Variants in TMOD2 observed in about 807,000 individuals in gnomAD.
The protein encoded by TMOD2 is tropomodulin 2.
TMOD2 carries 22 observed loss-of-function variants against 39.9 expected under a neutral mutation model. The ratio of observed to expected loss-of-function variants is 0.55; its 90% confidence interval spans 0.39 to 0.79. The LOEUF (loss-of-function observed/expected upper bound fraction) is 0.79, where lower values mean the gene tolerates loss of function less well. Ranked by LOEUF, TMOD2 falls within the 30% of genes least tolerant of loss-of-function variation. TMOD2 has a pLI of 0.00. For synonymous variants in TMOD2, 123 were observed against 146.1 expected (o/e 0.84, Z 1.14); for missense variants, 386 against 413.3 (o/e 0.93, Z 0.57).
rs367730017 is a variant in TMOD2 at position 51,776,957 on chromosome 15, C to G, written c.432C>G (p.Leu144=). Residue 144 remains leucine, a synonymous_variant, in exon 5 of 10, where the codon CTC becomes CTG. Transcript: ENST00000249700. Reference sequence around the variant, plus strand: ...CTGTCCTTGGAGTACACAATTTGCTCAACAATCCAAAGTTCGATGAAGAAA... The same window carrying G: ...CTGTCCTTGGAGTACACAATTTGCTGAACAATCCAAAGTTCGATGAAGAAA... ...LAAVLGVHNL[L]NNPKFDEETA... 24 of 1,613,770 alleles carry G rather than the reference C, an allele frequency of 1.5e-5. 1 individual carries two copies. In the East Asian group the frequency reaches 3.1e-4, roughly 21 times the overall value.
intron 4 of TMOD2, among the ~76,000 whole-genome samples, chr15:51,776,161 T>C (rs1007282841): frequency 6.6e-6 from 1 of 152,142 alleles, no homozygotes; most frequent in African/African-American, 2.4e-5. Context: ...CCTCCTTCAA[T>C]ATGTAGCTTA....
At chr15:51,801,237 T>A (rs692704) in intron 8 of TMOD2, among the ~76,000 whole-genome samples, 33,302 of 101,654 alleles carry the variant, frequency 0.33, 5,686 homozygotes, top group African/African-American at 0.42. Context: ...TCTCTCTCTC[T>A]CACACACACA....
intron 8 of TMOD2, among the ~76,000 whole-genome samples, chr15:51,801,567 A>C (rs1241815583): frequency 6.6e-6 from 1 of 152,212 alleles, no homozygotes; most frequent in East Asian, 1.9e-4. Context: ...ACCAAAGCGA[A>C]GGCCTGCTGA....
chr15:51,802,690 C>CTCT (rs1262305150), intron 8 of TMOD2, among the ~76,000 whole-genome samples: 1 of 152,238 alleles, frequency 6.6e-6, no homozygotes. Flanking sequence ...TACGGTCCCA[C>CTCT]TCTTCTAAAC....
intron 5 of TMOD2, among the ~76,000 whole-genome samples, chr15:51,779,414 T>C (rs1052012635): frequency 5.9e-5 from 9 of 151,896 alleles, no homozygotes; most frequent in Non-Finnish European, 1.0e-4. Flanking sequence ...AGAGTCTCGC[T>C]CTGTTGCCCA....
chr15:51,785,161 C>G (rs1361759117), intron 7 of TMOD2, among the ~76,000 whole-genome samples: 1 of 151,944 alleles, frequency 6.6e-6, no homozygotes, highest in African/African-American at 2.4e-5. Context: ...GCCTGTAATC[C>G]CAGCACTTTG....
At chr15:51,789,175 C>G (rs965106295) in intron 7 of TMOD2, among the ~76,000 whole-genome samples, 19 of 152,054 alleles carry the variant, frequency 1.2e-4, no homozygotes, top group Admixed American at 1.2e-3. Context: ...ATCTACCAAG[C>G]AAATGGAAAG....
intron 7 of TMOD2, among the ~76,000 whole-genome samples, chr15:51,792,517 T>C (rs182290290): frequency 2.2e-3 from 340 of 152,294 alleles, no homozygotes; most frequent in Non-Finnish European, 4.0e-3. Context: ...TAACTGGACA[T>C]ATACCCAAAG....
At chr15:51,799,273 T>C (rs986422302) in intron 8 of TMOD2, among the ~76,000 whole-genome samples, 1 of 152,018 alleles carries the variant, frequency 6.6e-6, no homozygotes, top group Middle Eastern at 3.2e-3. Context: ...GGAGAGACAG[T>C]TGGGGAAGTG....
At chr15:51,789,118 T>G (rs966848170) in intron 7 of TMOD2, among the ~76,000 whole-genome samples, 1 of 152,180 alleles carries the variant, frequency 6.6e-6, no homozygotes, top group Non-Finnish European at 1.5e-5. Flanking sequence ...GAGACCCATC[T>G]CATGTACAAA....
intron 8 of TMOD2, among the ~76,000 whole-genome samples, chr15:51,799,036 C>T (rs1195333511): frequency 6.6e-6 from 1 of 152,164 alleles, no homozygotes; most frequent in East Asian, 1.9e-4. Context: ...CTCTTTTTCC[C>T]AGCGTCAGCC....
intron 9 of TMOD2, among the ~76,000 whole-genome samples, chr15:51,807,395 G>T (rs976228276): frequency 2.0e-5 from 3 of 152,196 alleles, no homozygotes; most frequent in African/African-American, 7.2e-5. Flanking sequence ...TCCTTGTCCA[G>T]ACAGGCTTTG....
chr15:51,797,413 C>G (rs1362258513), intron 7 of TMOD2, among the ~76,000 whole-genome samples: 6 of 152,182 alleles, frequency 3.9e-5, no homozygotes, highest in African/African-American at 1.4e-4. Flanking sequence ...AGGAATTGCC[C>G]CAAATGGGAC....
chr15:51,771,186 A>C (rs1041486891), intron 3 of TMOD2, among the ~76,000 whole-genome samples: 2 of 152,226 alleles, frequency 1.3e-5, no homozygotes, highest in African/African-American at 4.8e-5. Flanking sequence ...GAGAAGTAGC[A>C]CAACTGAATA....
intron 7 of TMOD2, chr15:51,784,124 C>T (rs1567241791): frequency 1.3e-5 from 2 of 152,208 alleles, no homozygotes; most frequent in African/African-American, 2.4e-5. Flanking sequence ...GGTAATACAA[C>T]CAGTAAATGG....
chr15:51,773,922 T>C, intron 4 of TMOD2, 88 bp downstream of exon 4: 2 of 1,431,940 alleles, frequency 1.4e-6, no homozygotes, highest in Non-Finnish European at 1.9e-6. Context: ...TTTGAGCTTC[T>C]CTTAGGTAGG....
chr15:51,787,894 G>A (rs551291184), intron 7 of TMOD2, among the ~76,000 whole-genome samples: 2 of 152,258 alleles, frequency 1.3e-5, no homozygotes, highest in South Asian at 2.1e-4. Flanking sequence ...CCACAAAGAC[G>A]GGGAGAAACC....
intron 1 of TMOD2, chr15:51,752,357 AT>A (rs2055711471): frequency 6.6e-6 from 1 of 152,214 alleles, no homozygotes; most frequent in Non-Finnish European, 1.5e-5. Context: ...ATGAAGGTGG[AT>A]TTTTAAAACA....
At chr15:51,764,523 T>G (rs1319564588) in intron 1 of TMOD2, among the ~76,000 whole-genome samples, 1 of 152,124 alleles carries the variant, frequency 6.6e-6, no homozygotes, top group Non-Finnish European at 1.5e-5. Context: ...TGATTTGAAC[T>G]CATAAAAAAA....
Sources: allele counts gnomAD v4.1 joint callset (sites outside exome capture counted in the v4.1 genomes callset), GRCh38; gene constraint gnomAD v4.1.1; transcripts MANE v1.5; gene names NCBI Gene and HGNC (gene_info 2026-07-23, HGNC 2026-07-21).